The following RNF19A variants were observed in gnomAD, a reference collection of about 807,000 sequenced individuals.
RNF19A encodes the protein ring finger protein 19A, RBR E3 ubiquitin protein ligase, also known as E3 ubiquitin-protein ligase RNF19A.
Under a neutral mutation model 75.7 loss-of-function variants are expected in RNF19A, and 32 were observed. The observed-to-expected ratio is 0.42, with a 90% confidence interval of 0.32 to 0.57. RNF19A has a LOEUF of 0.57. Among genes scored for constraint, RNF19A ranks in the 20% least tolerant of loss-of-function variants. The pLI is 0.10. For missense variants in RNF19A, 782 were observed against 1,036.3 expected, an observed-to-expected ratio of 0.75 and a Z score of 3.37; for synonymous variants, 335 against 345.2, an observed-to-expected ratio of 0.97 and a Z score of 0.33.
At chr8:100,310,127 C>G (rs1822245199), upstream of RNF19A, 2 of 985,296 alleles carry the variant, frequency 2.0e-6, no homozygotes, top group East Asian at 2.3e-4. Context: ...CCCCCGCTTT[C>G]CCCTCCTCCT....
rs533206773 is a variant in RNF19A, at chr8:100,289,673, ACT to A, written c.-93-1408_-93-1407del. ...TTAGCAAGGATGTGGAAGAATAGGA[ACT>A]CTCTTACACTACTCGTGGGAGTGTA... On this transcript the variant is annotated intron_variant, in intron 1 of 9. Transcript: ENST00000341084. Among the ~76,000 whole-genome samples the A allele has an allele frequency of 1.7e-3, 266 of 152,296 alleles. 3 individuals carry two copies. Among genetic ancestry groups the A allele is most frequent in the South Asian group, 3.1e-3 (15 of 4,828 alleles).
At chr8:100,319,931 G>A (rs899476367) in intron 1 of RNF19A, among the ~76,000 whole-genome samples, 2 of 151,014 alleles carry the variant, frequency 1.3e-5, no homozygotes, top group Non-Finnish European at 2.9e-5. Context: ...TGCCTCCCGG[G>A]TTCAAGCAAT....
chr8:100,295,865 A>C (rs1405674695), intron 1 of RNF19A, among the ~76,000 whole-genome samples: 2 of 152,210 alleles, frequency 1.3e-5, no homozygotes, highest in African/African-American at 4.8e-5. Flanking sequence ...ACTTTCTCTT[A>C]ACAGAGAGAA....
chr8:100,309,471 T>C (rs1822202272), intron 1 of RNF19A: 1 of 985,392 alleles, frequency 1.0e-6, no homozygotes, highest in East Asian at 1.1e-4. Context: ...CCCTTGGGTC[T>C]CCCCCGCTTT....
rs1379436365 is a variant in RNF19A, at chr8:100,317,189, G to A, written c.-242-3817C>T. Among the ~76,000 whole-genome samples, 1 of 124,958 alleles carries A rather than the reference G, an allele frequency of 8.0e-6. No homozygotes were observed. The allele number at this position is 124,958 out of a possible 152,430, so 82.0% of individuals were successfully genotyped here. A position where few individuals can be genotyped will look rare whatever the true frequency, so the allele number is the denominator to read the frequency against. ...CTCCCTCCGCACCTCCCTGCAAGCT[G>A]AGGGAGTGGGCTCCAGCCTTGGCCA... On this transcript the variant is annotated intron_variant, in intron 1 of 3. Transcript: ENST00000519527. The surrounding 1 kb of genome is among the most constrained non-coding windows in gnomAD (Gnocchi z 4.3).
chr8:100,307,373 T>G (rs1822104915), intron 1 of RNF19A, among the ~76,000 whole-genome samples: 1 of 152,166 alleles, frequency 6.6e-6, no homozygotes, highest in African/African-American at 2.4e-5. Flanking sequence ...TATTTTGCCT[T>G]CTTTTCCCTA....
At chr8:100,271,131 G>A (rs1820234670) in intron 3 of RNF19A, among the ~76,000 whole-genome samples, 1 of 148,402 alleles carries the variant, frequency 6.7e-6, no homozygotes, top group Non-Finnish European at 1.5e-5. Flanking sequence ...GGTTTCCTTA[G>A]CACTTCTTCT....
chr8:100,299,457 A>G (rs1316086843), intron 1 of RNF19A, among the ~76,000 whole-genome samples: 7 of 152,214 alleles, frequency 4.6e-5, no homozygotes, highest in Non-Finnish European at 1.0e-4. Context: ...TATTTGGACA[A>G]TTAGAAGTAT....
chr8:100,327,854 G>A (rs1195763022), intron 1 of RNF19A, among the ~76,000 whole-genome samples: 2 of 152,154 alleles, frequency 1.3e-5, no homozygotes, highest in Non-Finnish European at 2.9e-5. Flanking sequence ...CTTCTCCAGG[G>A]ACTCAGAATA....
At chr8:100,335,800 T>C (rs1822673356) in intron 1 of RNF19A, among the ~76,000 whole-genome samples, 1 of 152,214 alleles carries the variant, frequency 6.6e-6, no homozygotes, top group South Asian at 2.1e-4. Context: ...GTAACTGCTC[T>C]GCCCACAGTC....
chr8:100,264,813 G>A lies in RNF19A; in HGVS notation c.1192-28C>T. Reference sequence around the variant, plus strand: ...TGAATTAATAAAAATAGGGGTGGGGGATTAAAGAGAAAATACATTACAATT... The same window carrying A: ...TGAATTAATAAAAATAGGGGTGGGGAATTAAAGAGAAAATACATTACAATT... On this transcript the variant is annotated intron_variant, in intron 5 of 9. Coordinates refer to ENST00000341084, the MANE Select transcript of RNF19A (RefSeq NM_183419.4). The surrounding 1 kb of genome is among the most constrained non-coding windows in gnomAD (Gnocchi z 4.7). 1 of 1,459,954 alleles carries A rather than the reference G, an allele frequency of 6.8e-7. No homozygotes were observed. The highest frequency in any genetic ancestry group is 9.6e-7 in the Non-Finnish European group (1 of 1,041,366). The allele number at this position is 1,459,954 out of a possible 1,614,324, so 90.4% of individuals were successfully genotyped here.
rs1822628803 is a variant in RNF19A, at chr8:100,332,888, C to T, written c.-243+3220G>A. On this transcript the variant is annotated intron_variant, in intron 1 of 3. Transcript: ENST00000519527. This position sits in a 1 kb window ranked among gnomAD's most constrained non-coding sequence, Gnocchi z 4.8. Reference sequence around the variant, plus strand: ...CTGTTTATATTTTGTGGAAATTAGCCTCTTTTCTATCATATGTGTTTCAAT... The same window carrying T: ...CTGTTTATATTTTGTGGAAATTAGCTTCTTTTCTATCATATGTGTTTCAAT... 6.6e-6 allele frequency among the ~76,000 whole-genome samples: 1 copy of T among 152,050 alleles called. No individual in the cohort carries two copies. Among genetic ancestry groups the T allele is most frequent in the African/African-American group, 2.4e-5 (1 of 41,384 alleles).
Position 100,288,276 on chromosome 8 carries a change from T to TA in RNF19A, c.-93-10dup, listed in dbSNP as rs1179205419. On this transcript the variant is annotated splice_polypyrimidine_tract_variant and intron_variant, in intron 1 of 9. Coordinates refer to ENST00000341084, the MANE Select transcript of RNF19A (RefSeq NM_183419.4). ...CTGCTATCATGGATGTTCTGAAAAATAAAAAATAAAAAAATCAAGATCATT... is the reference window on the plus strand; with the variant it reads ...CTGCTATCATGGATGTTCTGAAAAATAAAAAAATAAAAAAATCAAGATCATT... The TA allele has an allele frequency of 1.5e-6, 2 of 1,318,338 alleles. No homozygotes were observed. The highest frequency in any genetic ancestry group is 5.4e-5 in the East Asian group (2 of 37,114). 81.7% of individuals were successfully genotyped at this position (1,318,338 alleles called of 1,614,324 possible).
At chr8:100,263,450 T>C (rs1006277494) in intron 7 of RNF19A, among the ~76,000 whole-genome samples, 1 of 152,166 alleles carries the variant, frequency 6.6e-6, no homozygotes, top group African/African-American at 2.4e-5. Context: ...AAAAATCTGA[T>C]TGAGGCCAGT....
chr8:100,301,853 G>A (rs1821844791), intron 1 of RNF19A, among the ~76,000 whole-genome samples: 1 of 152,152 alleles, frequency 6.6e-6, no homozygotes, highest in Non-Finnish European at 1.5e-5. Context: ...TTTTAAACAG[G>A]GTGATCACAG....
At chr8:100,309,285 G>A in intron 1 of RNF19A, 1 of 983,878 alleles carries the variant, frequency 1.0e-6, no homozygotes, top group Non-Finnish European at 1.2e-6. Context: ...GGTGGTAGCA[G>A]TCCCGGACTA....
At chr8:100,273,232 A>G (rs938626915) in intron 3 of RNF19A, among the ~76,000 whole-genome samples, 9 of 152,320 alleles carry the variant, frequency 5.9e-5, no homozygotes, top group Admixed American at 3.9e-4. Context: ...TCGCCTTGAG[A>G]CTATTTATTC....
chr8:100,277,823 T>C (rs1444710451), intron 2 of RNF19A, among the ~76,000 whole-genome samples: 1 of 152,194 alleles, frequency 6.6e-6, no homozygotes, highest in Non-Finnish European at 1.5e-5. Context: ...CTAAAGTATC[T>C]ATAAGCTAAA....
In RNF19A at chr8:100,288,068, C is replaced by T. The variant is rs570777127; in HGVS notation, c.107G>A (p.Arg36Gln). The change falls in exon 2 of 10, where the codon CGG becomes CAG. Residue 36 changes from arginine (R) to glutamine (Q), a missense_variant. By Grantham distance (43) the Arg-to-Gln change is conservative. Around this residue, in one of 7 missense-constraint regions of RNF19A, gnomAD observed 148 missense variants for 147.9 expected, o/e 1.00. Transcript: ENST00000341084. ...AAGATCTCGATCTGAACCCATTTGC[C>T]GATGTAAACTCATGTCTAAAATGCT... The part of the protein sequence containing the change: ...LTSILDMSLH[R>Q]QMGSDRDLQS... 25 of 1,614,010 alleles carry T rather than the reference C, an allele frequency of 1.5e-5. No homozygotes were observed. Among genetic ancestry groups the T allele is most frequent in the Middle Eastern group, 1.6e-4 (1 of 6,062 alleles).
Sources: gnomAD v4.1 joint callset for allele counts (sites outside exome capture counted in the v4.1 genomes callset) on GRCh38, gnomAD v4.1.1 for gene constraint, gnomAD v4.1.1 regional missense constraint, Gnocchi (gnomAD v3.1) non-coding constraint, MANE v1.5 for transcripts, NCBI Gene and HGNC (gene_info 2026-07-23, HGNC 2026-07-21) for gene names.